DAB1: variants seen among roughly 807,000 people sequenced by gnomAD.
The protein encoded by DAB1 is disabled homolog 1.
A neutral mutation model predicts 64.6 loss-of-function variants in DAB1; 15 were observed. The observed-to-expected ratio is 0.23, with a 90% CI of 0.16 to 0.36. DAB1 has a LOEUF of 0.36. DAB1 is among the 10% of genes least tolerant of loss of function. The pLI is 1.00. For synonymous variants in DAB1, 235 were observed against 251.9 expected (o/e 0.93, Z 0.64); for missense variants, 596 against 706.7 (o/e 0.84, Z 1.78).
chr1:57,271,403 C>T (rs373053536), intron 2 of DAB1, among the ~76,000 whole-genome samples: 2 of 152,204 alleles, frequency 1.3e-5, no homozygotes, highest in East Asian at 3.9e-4. Context: ...ATGACTGCTT[C>T]GTGTTGCCAC....
chr1:58,300,672 GGAAGGA>G (rs1662147679), intron 4 of DAB1, among the ~76,000 whole-genome samples: 3 of 135,512 alleles, frequency 2.2e-5, no homozygotes, highest in African/African-American at 8.9e-5. Flanking sequence ...AAGGAAGGAA[GGAAGGA>G]AGGAAGGAAG....
chr1:57,034,001 G>T (rs1348508602), intron 9 of DAB1, among the ~76,000 whole-genome samples: 2 of 151,998 alleles, frequency 1.3e-5, no homozygotes, highest in Non-Finnish European at 2.9e-5. Flanking sequence ...CTTCCCCTCG[G>T]CCGGGCGCGG....
At chr1:57,294,705 A>C (rs571234635) in intron 1 of DAB1, among the ~76,000 whole-genome samples, 1 of 152,292 alleles carries the variant, frequency 6.6e-6, no homozygotes, top group South Asian at 2.1e-4. Context: ...AATTATCTAC[A>C]TGAAACAAAC....
chr1:58,216,644 C>T (rs541460732), intron 4 of DAB1, among the ~76,000 whole-genome samples: 1 of 152,196 alleles, frequency 6.6e-6, no homozygotes, highest in East Asian at 1.9e-4. Context: ...ACACTCCCAC[C>T]AACAGTGTAA....
At chr1:57,054,790 T>C (rs1027557051) in intron 9 of DAB1, among the ~76,000 whole-genome samples, 1 of 152,164 alleles carries the variant, frequency 6.6e-6, no homozygotes, top group African/African-American at 2.4e-5. Flanking sequence ...GAATGTGCAT[T>C]TTTAACAGTC....
intron 3 of DAB1, among the ~76,000 whole-genome samples, chr1:58,351,914 A>T (rs950740871): frequency 6.0e-5 from 9 of 149,198 alleles, no homozygotes; most frequent in South Asian, 4.4e-4. Context: ...CTCAGAGTTG[A>T]TATTTTCAGG....
At chr1:57,218,515 T>TAAAAAAAAAAAAAAAAAAAAAAAAAAAA (rs776398255) in intron 2 of DAB1, among the ~76,000 whole-genome samples, 2 of 71,440 alleles carry the variant, frequency 2.8e-5, no homozygotes, top group African/African-American at 1.5e-4. Context: ...CCCCCATCTC[T>TAAAAAAAAAAAAAAAAAAAAAAAAAAAA]AAAAAAAAAA....
intron 2 of DAB1, among the ~76,000 whole-genome samples, chr1:57,168,657 C>T (rs970869600): frequency 1.3e-5 from 2 of 152,178 alleles, no homozygotes; most frequent in Admixed American, 6.5e-5. Context: ...TAGTTCCTCC[C>T]CAAATGCGAT....
intron 3 of DAB1, among the ~76,000 whole-genome samples, chr1:57,138,910 CT>C (rs1318833688): frequency 6.6e-6 from 1 of 152,110 alleles, no homozygotes; most frequent in South Asian, 2.1e-4. Flanking sequence ...GTGCATGGAA[CT>C]TTTTTTATTT....
intron 1 of DAB1, among the ~76,000 whole-genome samples, chr1:57,337,630 G>T (rs925554266): frequency 6.6e-6 from 1 of 152,136 alleles, no homozygotes; most frequent in African/African-American, 2.4e-5. Flanking sequence ...TCCCATGATG[G>T]CAGAATCTGG....
At chr1:57,662,477 T>C (rs2101671647) in intron 6 of DAB1, among the ~76,000 whole-genome samples, 1 of 152,326 alleles carries the variant, frequency 6.6e-6, no homozygotes, top group African/African-American at 2.4e-5. Context: ...ATTACAGGCG[T>C]GAGCCACCAC....
intron 6 of DAB1, among the ~76,000 whole-genome samples, chr1:57,696,937 A>C (rs547048258): frequency 6.6e-6 from 1 of 152,294 alleles, no homozygotes; most frequent in East Asian, 1.9e-4. Context: ...TTTACCAGGT[A>C]TAGACGAGTA....
rs577255891 is a variant in DAB1 at position 58,025,864 on chromosome 1, T to C, written n.387+124647A>G. 2.8e-3 allele frequency among the ~76,000 whole-genome samples: 430 copies of C among 151,894 alleles called. 1 individual carries two copies. The highest frequency in any genetic ancestry group is 9.5e-3 in the African/African-American group (393 of 41,390). On this transcript the variant is annotated intron_variant and non_coding_transcript_variant, in intron 5 of 20. Transcript: ENST00000485760. The stretch of plus-strand genomic sequence containing the variant: ...GTCTCCAGCCTCATCTCTCATCACA[T>C]TCATTCATATACATCCTAAATCCAA...
intron 3 of DAB1, among the ~76,000 whole-genome samples, chr1:58,480,160 T>C (rs957873821): frequency 6.6e-6 from 1 of 152,152 alleles, no homozygotes; most frequent in African/African-American, 2.4e-5. Context: ...CCTCCAGTCG[T>C]CTTGTTGATA....
intron 4 of DAB1, among the ~76,000 whole-genome samples, chr1:58,275,846 C>G (rs1661431262): frequency 6.6e-6 from 1 of 152,140 alleles, no homozygotes; most frequent in Non-Finnish European, 1.5e-5. Context: ...GAATTGAAAG[C>G]ATAGTCTCAA....
intron 4 of DAB1, among the ~76,000 whole-genome samples, chr1:58,279,321 C>G (rs375046662): frequency 1.3e-5 from 2 of 152,152 alleles, no homozygotes; most frequent in Non-Finnish European, 2.9e-5. Flanking sequence ...AATTACTCTA[C>G]AGGTTATATG....
At chr1:57,102,201 T>C (rs1386536246) in intron 4 of DAB1, among the ~76,000 whole-genome samples, 1 of 152,184 alleles carries the variant, frequency 6.6e-6, no homozygotes, top group East Asian at 1.9e-4. Flanking sequence ...TCTCTTTCTC[T>C]GTCTCTGTCT....
chr1:58,380,591 C>T (rs570459929), intron 3 of DAB1, among the ~76,000 whole-genome samples: 2 of 152,300 alleles, frequency 1.3e-5, no homozygotes, highest in East Asian at 3.9e-4. Flanking sequence ...TCCCCTGAGA[C>T]AGCAGAGATG....
intron 4 of DAB1, among the ~76,000 whole-genome samples, chr1:58,220,456 C>A (rs979778836): frequency 6.6e-6 from 1 of 152,062 alleles, no homozygotes; most frequent in Admixed American, 6.6e-5. Flanking sequence ...TCCAGGAAAC[C>A]AAAGACTATT....
Sources: gnomAD v4.1 joint callset for allele counts (sites outside exome capture counted in the v4.1 genomes callset) on GRCh38, gnomAD v4.1.1 for gene constraint, MANE v1.5 for transcripts, NCBI Gene and HGNC (gene_info 2026-07-23, HGNC 2026-07-21) for gene names.